Variants in KCNT1 observed in about 807,000 individuals in gnomAD.
KCNT1 encodes the protein potassium sodium-activated channel subfamily T member 1.
KCNT1 carries 78 observed loss-of-function variants against 147.8 expected under a neutral mutation model. That is an observed-to-expected ratio of 0.53 (90% confidence interval 0.44 to 0.64). The LOEUF (loss-of-function observed/expected upper bound fraction) is 0.64, where lower values mean the gene tolerates loss of function less well. Among genes scored for constraint, KCNT1 ranks in the 30% least tolerant of loss-of-function variants. KCNT1 has a pLI of 0.00. For missense variants in KCNT1, 1,419 were observed against 1,750.3 expected (o/e 0.81, Z 3.38); for synonymous variants, 867 against 748.8 (o/e 1.16, Z -2.58).
intron 2 of KCNT1, among the ~76,000 whole-genome samples, chr9:135,735,026 C>T (rs531661690): frequency 2.0e-5 from 3 of 152,304 alleles, no homozygotes; most frequent in East Asian, 3.9e-4. Context: ...TCTTTACAGC[C>T]GTTCTGGGGC....
At chr9:135,740,183 A>T (rs1830503578) in intron 2 of KCNT1, among the ~76,000 whole-genome samples, 1 of 152,080 alleles carries the variant, frequency 6.6e-6, no homozygotes, top group East Asian at 1.9e-4. Flanking sequence ...GTCTCCAAAC[A>T]TAGCCACGTG....
chr9:135,771,829 C>T (rs1192136649), intron 18 of KCNT1, among the ~76,000 whole-genome samples: 2 of 152,212 alleles, frequency 1.3e-5, no homozygotes, highest in African/African-American at 2.4e-5. Context: ...CAGGAAGCCA[C>T]TCAGGCCACA....
At chr9:135,742,434 C>T (rs1434054199) in intron 2 of KCNT1, among the ~76,000 whole-genome samples, 1 of 152,216 alleles carries the variant, frequency 6.6e-6, no homozygotes. Context: ...GGTTGTCACC[C>T]CCCCATCTGG....
rs1280019428 is a variant in KCNT1, at chr9:135,752,832, TTGGA to T, written c.435-1100_435-1097del. Reference sequence around the variant, plus strand: ...GCGTGGATGGGTGGAGGGATGGATGTTGGATGGAGGGATGAGTGAATGGGTGGAG... The same window carrying T: ...GCGTGGATGGGTGGAGGGATGGATGTTGGAGGGATGAGTGAATGGGTGGAG... On this transcript the variant is annotated intron_variant, in intron 4 of 30. Coordinates refer to ENST00000371757, the MANE Select transcript of KCNT1 (RefSeq NM_020822.3). This position sits in a 1 kb window ranked among gnomAD's most constrained non-coding sequence, Gnocchi z 5.1. Among the ~76,000 whole-genome samples the T allele has an allele frequency of 3.2e-5, 4 of 123,156 alleles. No individual in the cohort carries two copies. The highest frequency in any genetic ancestry group is 9.6e-5 in the African/African-American group (3 of 31,280). The allele number at this position is 123,156 out of a possible 152,430, so 80.8% of individuals were successfully genotyped here.
intron 24 of KCNT1, 58 bp from the exon 25 acceptor site, chr9:135,783,966 G>A (rs1479327084): frequency 7.4e-7 from 1 of 1,353,468 alleles, no homozygotes; most frequent in Non-Finnish European, 1.0e-6. Flanking sequence ...CCCCGTGGCT[G>A]CCGTGCCACT....
intron 2 of KCNT1, among the ~76,000 whole-genome samples, chr9:135,748,266 A>T (rs1034767689): frequency 2.6e-5 from 4 of 152,204 alleles, no homozygotes; most frequent in African/African-American, 9.6e-5. Flanking sequence ...TAACCAGCAG[A>T]GGCCACTGGG....
At chr9:135,709,727 C>G (rs1410315849) in intron 1 of KCNT1, among the ~76,000 whole-genome samples, 2 of 152,246 alleles carry the variant, frequency 1.3e-5, no homozygotes, top group Non-Finnish European at 2.9e-5. Flanking sequence ...GTCACCCAGG[C>G]TGGAGTGCAG....
At chr9:135,784,266 C>A in intron 25 of KCNT1, 141 bp downstream of exon 25, 1 of 721,780 alleles carries the variant, frequency 1.4e-6, no homozygotes, top group Non-Finnish European at 2.3e-6. Context: ...ACCTCTGGGC[C>A]CTGTCCTTGC....
intron 2 of KCNT1, among the ~76,000 whole-genome samples, chr9:135,739,040 C>T (rs1480465106): frequency 6.6e-6 from 1 of 152,098 alleles, no homozygotes; most frequent in Non-Finnish European, 1.5e-5. Flanking sequence ...CTTGCCCCTC[C>T]CAGCTGGGGT....
chr9:135,750,479 T>C, intron 3 of KCNT1: 1 of 501,862 alleles, frequency 2.0e-6, no homozygotes, highest in Non-Finnish European at 3.6e-6. Flanking sequence ...CATCCATAGG[T>C]GCCAGCAAGG....
rs1194828233 is a variant in KCNT1, at chr9:135,714,100, T to C, written c.111-477T>C. ...AGCCTGAGGGTCTGAGACGGGGGTC[T>C]CTGGGGCTGGACCCTGAAGGAAGAT... On this transcript the variant is annotated intron_variant, in intron 1 of 30. Coordinates refer to ENST00000371757, the MANE Select transcript of KCNT1 (RefSeq NM_020822.3). The surrounding 1 kb of genome is among the most constrained non-coding windows in gnomAD (Gnocchi z 6.2). Among the ~76,000 whole-genome samples, 1 of 151,936 alleles carries C rather than the reference T, an allele frequency of 6.6e-6. No homozygotes were observed. Among genetic ancestry groups the C allele is most frequent in the Non-Finnish European group, 1.5e-5 (1 of 67,970 alleles).
chr9:135,772,422 C>T (rs1224759666), intron 18 of KCNT1, among the ~76,000 whole-genome samples: 1 of 152,168 alleles, frequency 6.6e-6, no homozygotes, highest in African/African-American at 2.4e-5. Flanking sequence ...CCAGAATCAG[C>T]CAACCCCCTC....
At position 135,765,183 on chromosome 9, in the gene KCNT1, C is replaced by T. The variant is rs544796091; in HGVS notation, c.1188C>T (p.His396=). 75 of 1,611,450 alleles carry T rather than the reference C, an allele frequency of 4.7e-5. 1 individual carries two copies. The East Asian group carries it at 1.2e-3, about 25-fold the overall frequency. ...ACTTCCTGAACGAGTTCTACGCCCACCCCCGGCTCCAGGTGAGGCCCCTTA... is the reference window on the plus strand; with the variant it reads ...ACTTCCTGAACGAGTTCTACGCCCATCCCCGGCTCCAGGTGAGGCCCCTTA... ...LMDFLNEFYA[H]PRLQDYYVVI... is the part of the protein sequence containing the mutation. Residue 396 remains histidine (H), a synonymous_variant, in exon 12 of 31, where the codon CAC becomes CAT. Transcript: ENST00000371757.
intron 20 of KCNT1, among the ~76,000 whole-genome samples, chr9:135,776,977 G>A (rs572185295): frequency 1.3e-5 from 2 of 152,334 alleles, no homozygotes; most frequent in Admixed American, 1.3e-4. Context: ...CCAAGACCTG[G>A]GCACGTGGCG....
chr9:135,785,408 G>GCTC, intron 28 of KCNT1, 78 bp downstream of exon 28: 1 of 1,526,464 alleles, frequency 6.6e-7, no homozygotes, highest in Non-Finnish European at 8.8e-7. Context: ...AGCCTGCCAG[G>GCTC]CCCCACCCAC....
intron 29 of KCNT1, chr9:135,789,311 C>G (rs1322960937): frequency 6.6e-6 from 1 of 152,248 alleles, no homozygotes; most frequent in Non-Finnish European, 1.5e-5. Flanking sequence ...GGTGACGGTG[C>G]CGGGGTTCTG....
intron 11 of KCNT1, among the ~76,000 whole-genome samples, chr9:135,763,891 A>C (rs949985220): frequency 2.0e-5 from 3 of 152,076 alleles, no homozygotes; most frequent in African/African-American, 7.2e-5. Flanking sequence ...GAGGAAGCTG[A>C]GGCTCAGAGT....
At chr9:135,749,289 G>A (rs2131405246) in intron 2 of KCNT1, among the ~76,000 whole-genome samples, 1 of 152,346 alleles carries the variant, frequency 6.6e-6, no homozygotes, top group East Asian at 1.9e-4. Flanking sequence ...CGGTAGGTGA[G>A]CCACGCAATC....
chr9:135,753,825 TG>T, intron 4 of KCNT1, 111 bp from the exon 5 acceptor site: 1 of 1,064,276 alleles, frequency 9.4e-7, no homozygotes, highest in Non-Finnish European at 1.5e-6. Context: ...TAGCCCCGGG[TG>T]GGTGAGTAGG....
Sources: gnomAD v4.1 joint callset for allele counts (sites outside exome capture counted in the v4.1 genomes callset) on GRCh38, gnomAD v4.1.1 for gene constraint, Gnocchi (gnomAD v3.1) non-coding constraint, MANE v1.5 for transcripts, NCBI Gene and HGNC (gene_info 2026-07-23, HGNC 2026-07-21) for gene names.